Variants in DPP10 observed in about 807,000 individuals in gnomAD.
DPP10 encodes the protein inactive dipeptidyl peptidase 10.
A neutral mutation model predicts 120.9 loss-of-function variants in DPP10; 33 were observed. That is an observed-to-expected ratio of 0.27 (90% CI 0.21 to 0.37). The LOEUF (loss-of-function observed/expected upper bound fraction) is 0.37. Among genes scored for constraint, DPP10 ranks in the 10% least tolerant of loss-of-function variants. The probability of loss-of-function intolerance (pLI) is 1.00; values close to 1 mark genes in which losing one functional copy is unlikely to be tolerated. For synonymous variants in DPP10, 337 were observed against 326.1 expected (o/e 1.03, Z -0.36); for missense variants, 816 against 942.8 (o/e 0.87, Z 1.76).
At chr2:115,434,949 T>C (rs767742905) in intron 3 of DPP10, among the ~76,000 whole-genome samples, 19 of 151,742 alleles carry the variant, frequency 1.3e-4, no homozygotes, top group Non-Finnish European at 2.2e-4. Context: ...TGAGATTAGT[T>C]AATTTCACTT....
intron 5 of DPP10, among the ~76,000 whole-genome samples, chr2:115,537,316 C>G (rs1046380033): frequency 1.3e-5 from 2 of 151,800 alleles, no homozygotes; most frequent in Non-Finnish European, 2.9e-5. Flanking sequence ...AACCTATTTC[C>G]TTATGGTGTG....
chr2:114,727,327 G>T (rs947220027), intron 1 of DPP10, among the ~76,000 whole-genome samples: 1 of 152,178 alleles, frequency 6.6e-6, no homozygotes, highest in African/African-American at 2.4e-5. Flanking sequence ...AGGCTGGTTT[G>T]CAGCTGGGAA....
chr2:114,631,227 G>A (rs1330685243), intron 1 of DPP10, among the ~76,000 whole-genome samples: 3 of 152,102 alleles, frequency 2.0e-5, no homozygotes, highest in Admixed American at 6.6e-5. Context: ...AGAGTGAGGA[G>A]CTGGAAGAGG....
At chr2:114,571,826 T>C (rs1689671879) in intron 1 of DPP10, among the ~76,000 whole-genome samples, 1 of 148,128 alleles carries the variant, frequency 6.8e-6, no homozygotes, top group South Asian at 2.1e-4. Context: ...ATATATTCTG[T>C]ATATGTAGTA....
intron 2 of DPP10, among the ~76,000 whole-genome samples, chr2:115,331,818 G>A (rs913322090): frequency 1.1e-4 from 16 of 152,164 alleles, no homozygotes; most frequent in South Asian, 2.1e-4. Flanking sequence ...TGCTGGATTC[G>A]GTTTGCCAGT....
intron 1 of DPP10, among the ~76,000 whole-genome samples, chr2:114,552,712 A>AT (rs1186330849): frequency 6.6e-6 from 1 of 151,938 alleles, no homozygotes; most frequent in Admixed American, 6.6e-5. Flanking sequence ...CACCTGGCTA[A>AT]TTTTTTTATT....
At chr2:114,848,739 T>C (rs1005371434) in intron 1 of DPP10, among the ~76,000 whole-genome samples, 8 of 152,200 alleles carry the variant, frequency 5.3e-5, no homozygotes, top group African/African-American at 1.9e-4. Flanking sequence ...AAGGTATGTG[T>C]TTCAAAGGAA....
At chr2:115,039,331 A>T (rs1242237327) in intron 1 of DPP10, among the ~76,000 whole-genome samples, 2 of 152,254 alleles carry the variant, frequency 1.3e-5, no homozygotes, top group Admixed American at 1.3e-4. Flanking sequence ...ATAAATTATT[A>T]TATTTTGCTT....
At chr2:115,550,409 A>G (rs1269468025) in intron 5 of DPP10, among the ~76,000 whole-genome samples, 1 of 152,122 alleles carries the variant, frequency 6.6e-6, no homozygotes, top group Non-Finnish European at 1.5e-5. Flanking sequence ...TTTCAGAATG[A>G]CAGCTATAAT....
intron 2 of DPP10, 33 bp from the exon 3 acceptor site, chr2:115,343,784 T>C (rs752171818): frequency 8.1e-6 from 12 of 1,486,648 alleles, no homozygotes; most frequent in South Asian, 6.0e-5. Flanking sequence ...AAGCATAAGA[T>C]AGGCATCTAA....
intron 7 of DPP10, among the ~76,000 whole-genome samples, chr2:115,715,703 A>G (rs527292749): frequency 2.0e-5 from 3 of 152,344 alleles, no homozygotes; most frequent in Non-Finnish European, 4.4e-5. Flanking sequence ...GTCTCCGTGC[A>G]TACCCGCACA....
chr2:115,309,376 T>A, intron 2 of DPP10, 23 bp downstream of exon 2: 1 of 1,596,614 alleles, frequency 6.3e-7, no homozygotes, highest in Non-Finnish European at 8.6e-7. Context: ...TATTCCTCTC[T>A]TATGATGGAT....
At chr2:115,460,403 C>T (rs2105065101) in intron 3 of DPP10, among the ~76,000 whole-genome samples, 1 of 152,094 alleles carries the variant, frequency 6.6e-6, no homozygotes, top group South Asian at 2.1e-4. Flanking sequence ...GGTGACATTC[C>T]CATGGGTAAA....
At chr2:115,384,051 G>A (rs1187169522) in intron 3 of DPP10, among the ~76,000 whole-genome samples, 1 of 152,176 alleles carries the variant, frequency 6.6e-6, no homozygotes, top group African/African-American at 2.4e-5. Context: ...ATACCCCAAA[G>A]TATGTTGCTT....
chr2:115,124,576 C>G (rs1402630276), intron 1 of DPP10, among the ~76,000 whole-genome samples: 6 of 152,288 alleles, frequency 3.9e-5, no homozygotes, highest in Admixed American at 3.3e-4. Flanking sequence ...TTCTCAGGGC[C>G]ATTTACTATG....
chr2:115,074,333 T>G (rs1030703384), intron 1 of DPP10, among the ~76,000 whole-genome samples: 2 of 152,096 alleles, frequency 1.3e-5, no homozygotes, highest in Non-Finnish European at 2.9e-5. Context: ...TAAACACACA[T>G]AGCAAAATGT....
chr2:115,389,437 C>G (rs114333842), intron 3 of DPP10, among the ~76,000 whole-genome samples: 1,557 of 152,114 alleles, frequency 0.01, 25 homozygotes, highest in African/African-American at 0.036. Context: ...TTTTGTTTGC[C>G]CCTAAACACT....
chr2:115,484,578 T>C (rs1176129953), intron 3 of DPP10, among the ~76,000 whole-genome samples: 1 of 152,094 alleles, frequency 6.6e-6, no homozygotes, highest in Non-Finnish European at 1.5e-5. Flanking sequence ...TTTTATGTTG[T>C]CTTGAAAGTG....
In DPP10 at chr2:114,714,067, GTGTT is replaced by G. The variant is rs1420694844; in HGVS notation, c.60+271233_60+271236del. Among the ~76,000 whole-genome samples, 135 of 112,452 alleles carry G rather than the reference GTGTT, an allele frequency of 1.2e-3. 4 individuals carry two copies. Among genetic ancestry groups the G allele is most frequent in the African/African-American group, 9.8e-4 (29 of 29,728 alleles). 73.8% of individuals were successfully genotyped at this position (112,452 alleles called of 152,430 possible). ...TTTGCATGTGTTCCTGAGTGGATTT[GTGTT>G]TGTGTGTGTGTGTGTGTGTGTGTGT... On this transcript the variant is annotated intron_variant, in intron 1 of 25. Transcript: ENST00000410059.
Sources: gnomAD v4.1 joint callset for allele counts (sites outside exome capture counted in the v4.1 genomes callset) on GRCh38, gnomAD v4.1.1 for gene constraint, MANE v1.5 for transcripts, NCBI Gene and HGNC (gene_info 2026-07-23, HGNC 2026-07-21) for gene names.